DGKB: variants seen among roughly 807,000 people sequenced by gnomAD.
DGKB encodes 90 kDa diacylglycerol kinase.
Under a neutral mutation model 114.3 loss-of-function variants are expected in DGKB, and 67 were observed. The observed-to-expected ratio is 0.59, with a 90% CI of 0.48 to 0.72. The LOEUF (loss-of-function observed/expected upper bound fraction) is 0.72, where lower values mean the gene tolerates loss of function less well. DGKB is among the 30% of genes least tolerant of loss of function. The probability of loss-of-function intolerance (pLI) is 0.00; values close to 1 mark genes in which losing one functional copy is unlikely to be tolerated. For synonymous variants in DGKB, 398 were observed against 323.1 expected, an observed-to-expected ratio of 1.23 and a Z score of -2.49; for missense variants, 907 against 975.2, an observed-to-expected ratio of 0.93 and a Z score of 0.93.
At chr7:14,473,361 C>A (rs12674261) in intron 21 of DGKB, among the ~76,000 whole-genome samples, 69,301 of 151,944 alleles carry the variant, frequency 0.46, 16,295 homozygotes, top group East Asian at 0.76. Context: ...GAGTGCATAG[C>A]AGTAAAGAAC....
chr7:14,565,897 T>C (rs962492790), intron 20 of DGKB, among the ~76,000 whole-genome samples: 1 of 152,156 alleles, frequency 6.6e-6, no homozygotes, highest in East Asian at 1.9e-4. Context: ...TTCCTTTAAG[T>C]GAGCAGCCAG....
At chr7:14,963,886 G>C (rs1050396953) in intron 1 of DGKB, among the ~76,000 whole-genome samples, 2 of 152,140 alleles carry the variant, frequency 1.3e-5, no homozygotes, top group African/African-American at 4.8e-5. Flanking sequence ...ATATAGCACA[G>C]ATCTTGCTCT....
intron 2 of DGKB, 79 bp downstream of exon 2, chr7:14,841,115 T>G: frequency 8.0e-7 from 1 of 1,245,062 alleles, no homozygotes; most frequent in Non-Finnish European, 1.1e-6. Context: ...ACAGGATCTA[T>G]GATCCATTCT....
intron 1 of DGKB, among the ~76,000 whole-genome samples, chr7:14,913,434 C>T (rs1361857586): frequency 6.7e-6 from 1 of 150,220 alleles, no homozygotes; most frequent in Non-Finnish European, 1.5e-5. Flanking sequence ...TCCTAATCAT[C>T]ATAATATTTA....
At chr7:14,723,631 A>T (rs1585991602) in intron 5 of DGKB, among the ~76,000 whole-genome samples, 1 of 152,198 alleles carries the variant, frequency 6.6e-6, no homozygotes, top group East Asian at 1.9e-4. Flanking sequence ...ATACTACAAT[A>T]GTACAAAATA....
chr7:14,700,299 C>T (rs1307798443), intron 7 of DGKB, among the ~76,000 whole-genome samples: 14 of 151,406 alleles, frequency 9.2e-5, no homozygotes, highest in African/African-American at 2.9e-4. Context: ...CTGCAACCTC[C>T]GCCTCCCGGG....
chr7:14,646,563 C>T (rs1030943709), intron 13 of DGKB, among the ~76,000 whole-genome samples: 7 of 152,130 alleles, frequency 4.6e-5, no homozygotes, highest in African/African-American at 1.4e-4. Context: ...GGACATGGGA[C>T]ATTTGCAAGG....
chr7:14,741,309 G>T (rs2128412416), intron 4 of DGKB, among the ~76,000 whole-genome samples: 1 of 152,308 alleles, frequency 6.6e-6, no homozygotes, highest in South Asian at 2.1e-4. Flanking sequence ...AAAAGGAATG[G>T]TAGGGATATA....
chr7:14,529,037 G>T (rs778925848), intron 20 of DGKB, among the ~76,000 whole-genome samples: 82 of 152,106 alleles, frequency 5.4e-4, no homozygotes, highest in Non-Finnish European at 2.4e-4. Flanking sequence ...ACCCAAGTTG[G>T]AGTCGTTTAC....
At chr7:14,529,789 G>A (rs1218142211) in intron 20 of DGKB, among the ~76,000 whole-genome samples, 1 of 151,660 alleles carries the variant, frequency 6.6e-6, no homozygotes, top group Non-Finnish European at 1.5e-5. Context: ...GAGTATTGTT[G>A]CATGGCTTAT....
intron 23 of DGKB, among the ~76,000 whole-genome samples, chr7:14,313,462 A>G (rs1176383636): frequency 2.0e-5 from 3 of 152,128 alleles, no homozygotes; most frequent in Non-Finnish European, 4.4e-5. Flanking sequence ...CTCACTCGGG[A>G]AGCGCAAGGG....
intron 1 of DGKB, among the ~76,000 whole-genome samples, chr7:14,920,520 C>G (rs530316559): frequency 6.6e-6 from 1 of 152,124 alleles, no homozygotes; most frequent in Non-Finnish European, 1.5e-5. Flanking sequence ...GGAAGTAGAA[C>G]AACCAGAACT....
chr7:14,596,408 C>T (rs577207105), intron 17 of DGKB, among the ~76,000 whole-genome samples: 3 of 152,254 alleles, frequency 2.0e-5, no homozygotes, highest in Admixed American at 6.5e-5. Flanking sequence ...ACCAGGCAGG[C>T]TCTGGACCAT....
chr7:14,263,778 C>A lies in DGKB; in HGVS notation c.2122+74737G>T, dbSNP rs1439863665. Among the ~76,000 whole-genome samples the A allele has an allele frequency of 1.5e-4, 3 of 19,474 alleles. No individual in the cohort carries two copies. In the East Asian group the frequency reaches 1.8e-3, roughly 12 times the overall value. 12.8% of individuals were successfully genotyped at this position (19,474 alleles called of 152,430 possible). On this transcript the variant is annotated intron_variant, in intron 23 of 25. Coordinates refer to ENST00000402815, the MANE Select transcript of DGKB (RefSeq NM_001350709.2). ...AATTGCTACTTGAGGTTTCTTTATCCCTTAGGCAAATCATTTTTTATTGTA... is the reference window on the plus strand; with the variant it reads ...AATTGCTACTTGAGGTTTCTTTATCACTTAGGCAAATCATTTTTTATTGTA...
intron 23 of DGKB, among the ~76,000 whole-genome samples, chr7:14,298,329 A>G (rs1225302591): frequency 6.6e-6 from 1 of 152,298 alleles, no homozygotes; most frequent in East Asian, 1.9e-4. Flanking sequence ...CATTAACCAA[A>G]ACAGCATGGT....
chr7:14,321,405 C>T (rs1807774296), intron 23 of DGKB, among the ~76,000 whole-genome samples: 1 of 151,984 alleles, frequency 6.6e-6, no homozygotes, highest in South Asian at 2.1e-4. Context: ...GTATTTATAA[C>T]AAAACATAGT....
intron 1 of DGKB, among the ~76,000 whole-genome samples, chr7:14,916,953 G>C (rs1486774288): frequency 2.0e-5 from 3 of 151,728 alleles, no homozygotes; most frequent in Non-Finnish European, 4.4e-5. Context: ...CTCTCAAATG[G>C]AACTACGCAG....
intron 1 of DGKB, among the ~76,000 whole-genome samples, chr7:14,969,495 A>G (rs1787339924): frequency 6.6e-6 from 1 of 152,176 alleles, no homozygotes; most frequent in African/African-American, 2.4e-5. Context: ...GTTAGGAACC[A>G]GTTTGCACAG....
intron 13 of DGKB, among the ~76,000 whole-genome samples, chr7:14,639,712 C>T (rs1811384592): frequency 6.6e-6 from 1 of 152,202 alleles, no homozygotes; most frequent in Non-Finnish European, 1.5e-5. Flanking sequence ...TAGAGCTTGC[C>T]TCTTCCTTTT....
Sources: gnomAD v4.1 joint callset for allele counts (sites outside exome capture counted in the v4.1 genomes callset) on GRCh38, gnomAD v4.1.1 for gene constraint, MANE v1.5 for transcripts, NCBI Gene and HGNC (gene_info 2026-07-23, HGNC 2026-07-21) for gene names.